The following ANK3 variants were observed in gnomAD, a reference collection of about 807,000 sequenced individuals.
ANK3 encodes the protein ankyrin 3, also known as ankyrin-3.
ANK3 carries 57 observed loss-of-function variants against 370.9 expected under a neutral mutation model. The ratio of observed to expected loss-of-function variants is 0.15; its 90% confidence interval spans 0.12 to 0.19. The LOEUF (loss-of-function observed/expected upper bound fraction) is 0.19. Among genes scored for constraint, ANK3 ranks in the 10% least tolerant of loss-of-function variants. The pLI is 1.00. For missense variants in ANK3, 4,439 were observed against 5,302.1 expected, an observed-to-expected ratio of 0.84 and a Z score of 5.06; for synonymous variants, 1,929 against 1,946.3, an observed-to-expected ratio of 0.99 and a Z score of 0.23.
rs199869065 is a variant in ANK3, at chr10:60,379,200, AT to A, written c.114+10224del. Among the ~76,000 whole-genome samples, 271 of 152,228 alleles carry A rather than the reference AT, an allele frequency of 1.8e-3. 5 individuals are homozygous for A. Among genetic ancestry groups the A allele is most frequent in the Admixed American group, 0.015 (222 of 15,266 alleles). On this transcript the variant is annotated intron_variant, in intron 1 of 43. Coordinates refer to ENST00000280772, the MANE Select transcript of ANK3 (RefSeq NM_020987.5). ...TTGCTATTATCAAAAAGACAAAAAA[AT>A]AAAAATAAAAATAACAAATGCTGGC...
intron 1 of ANK3, among the ~76,000 whole-genome samples, chr10:60,279,970 A>G (rs2098138181): frequency 6.6e-6 from 1 of 152,170 alleles, no homozygotes; most frequent in African/African-American, 2.4e-5. Flanking sequence ...CATTATGAAG[A>G]CCCCACTATT....
At position 60,509,689 on chromosome 10, in the gene ANK3, TTC is replaced by T. The variant is rs199768713; in HGVS notation, c.96+105495_96+105496del. 9.0e-3 allele frequency among the ~76,000 whole-genome samples: 1,366 copies of T among 152,280 alleles called. 5 individuals carry two copies. The highest frequency in any genetic ancestry group is 0.016 in the Non-Finnish European group (1,071 of 68,016). Reference sequence around the variant, plus strand: ...ATAACAGTATGGTTTTATAGCTATTTTCTCCAAGATAGTGAATATTATTCCCT... The same window carrying T: ...ATAACAGTATGGTTTTATAGCTATTTTCCAAGATAGTGAATATTATTCCCT... On this transcript the variant is annotated intron_variant, in intron 2 of 43. Transcript: ENST00000373827.
intron 9 of ANK3, among the ~76,000 whole-genome samples, chr10:60,208,913 CACTA>C (rs2096805100): frequency 6.6e-6 from 1 of 152,212 alleles, no homozygotes; most frequent in Non-Finnish European, 1.5e-5. Flanking sequence ...TTGACAAAGC[CACTA>C]ACTAATGCTT....
intron 7 of ANK3, among the ~76,000 whole-genome samples, chr10:60,246,090 T>G (rs1490068797): frequency 6.6e-6 from 1 of 151,826 alleles, no homozygotes; most frequent in Non-Finnish European, 1.5e-5. Flanking sequence ...ACCCTATCTC[T>G]ACTAAAAATA....
chr10:60,405,604 T>C (rs868792293), intron 2 of ANK3, among the ~76,000 whole-genome samples: 2 of 152,194 alleles, frequency 1.3e-5, no homozygotes, highest in African/African-American at 4.8e-5. Flanking sequence ...ATTCATCAAC[T>C]GGTACATTTA....
chr10:60,442,516 AT>A (rs1595043942), intron 2 of ANK3, among the ~76,000 whole-genome samples: 2 of 152,034 alleles, frequency 1.3e-5, no homozygotes, highest in African/African-American at 4.8e-5. Flanking sequence ...TTGCACTGTT[AT>A]TTTTCACTGT....
intron 2 of ANK3, among the ~76,000 whole-genome samples, chr10:60,420,882 A>C (rs2063764074): frequency 6.6e-6 from 1 of 152,174 alleles, no homozygotes; most frequent in Non-Finnish European, 1.5e-5. Context: ...AAAAACAGGG[A>C]TTCAAACAGA....
intron 2 of ANK3, among the ~76,000 whole-genome samples, chr10:60,577,858 C>T (rs2077702022): frequency 6.6e-6 from 1 of 152,150 alleles, no homozygotes; most frequent in Admixed American, 6.5e-5. Flanking sequence ...ATCACAGTGA[C>T]ATTGGTACAT....
chr10:60,323,146 G>A (rs922130892), intron 1 of ANK3, among the ~76,000 whole-genome samples: 6 of 152,150 alleles, frequency 3.9e-5, no homozygotes, highest in African/African-American at 1.4e-4. Context: ...AGTAAAGGGT[G>A]TATTAACAAG....
At position 60,055,039 on chromosome 10, in the gene ANK3, GT is replaced by G. The variant is rs560365073; in HGVS notation, c.13065+618del. Among the ~76,000 whole-genome samples, 858 of 152,202 alleles carry G rather than the reference GT, an allele frequency of 5.6e-3. 3 individuals carry two copies. Among genetic ancestry groups the G allele is most frequent in the Middle Eastern group, 0.014 (4 of 294 alleles). ...AAATCTATCACAGTGAGGTTTTAAA[GT>G]GATTAGAAATACATGTTAAGACAAT... On this transcript the variant is annotated intron_variant, in intron 42 of 43. Coordinates refer to ENST00000280772, the MANE Select transcript of ANK3 (RefSeq NM_020987.5).
At chr10:60,544,157 C>T (rs1442648600) in intron 2 of ANK3, among the ~76,000 whole-genome samples, 2 of 151,976 alleles carry the variant, frequency 1.3e-5, no homozygotes, top group Non-Finnish European at 2.9e-5. Context: ...CAGAAGGCAA[C>T]CCAGAGAAGG....
intron 11 of ANK3, among the ~76,000 whole-genome samples, chr10:60,205,070 G>A (rs1434023385): frequency 6.6e-6 from 1 of 152,086 alleles, no homozygotes; most frequent in Admixed American, 6.6e-5. Context: ...GGAGGTTGGG[G>A]GTCTGGGACA....
Position 60,075,733 on chromosome 10 carries a change from G to C in ANK3, c.5148C>G (p.Val1716=). The C allele has an allele frequency of 6.2e-7, 1 of 1,614,114 alleles. No individual in the cohort carries two copies. The change falls in exon 37 of 44, where the codon GTC becomes GTG. Residue 1716 remains valine, a synonymous_variant. Transcript: ENST00000280772. ...ATTTTAGAGGGGAAATAGATCCATT[G>C]ACTAATGCTACCTCTGCATGTCCAG... ...QMPGHAEVAL[V]NGSISPLKYP... is the part of the protein sequence containing the mutation.
At chr10:60,187,512 A>G (rs1345359482) in intron 16 of ANK3, among the ~76,000 whole-genome samples, 1 of 152,210 alleles carries the variant, frequency 6.6e-6, no homozygotes, top group Non-Finnish European at 1.5e-5. Context: ...CAAAAGGAAT[A>G]TAAATTTCCC....
intron 2 of ANK3, among the ~76,000 whole-genome samples, chr10:60,477,924 G>A (rs889856344): frequency 6.6e-6 from 1 of 152,016 alleles, no homozygotes; most frequent in Admixed American, 6.6e-5. Flanking sequence ...CCTGCAGGAA[G>A]GACATTCCTA....
At chr10:60,100,234 G>GTTTTTTTTTTTTTTTTTGTTTTTTTT (rs2090973309) in intron 28 of ANK3, among the ~76,000 whole-genome samples, 1 of 57,898 alleles carries the variant, frequency 1.7e-5, no homozygotes, top group African/African-American at 8.5e-5. Flanking sequence ...TTTTGCTATG[G>GTTTTTTTTTTTTTTTTTGTTTTTTTT]TTTTTTTTTT....
At chr10:60,526,366 C>T (rs2076470743) in intron 2 of ANK3, among the ~76,000 whole-genome samples, 1 of 152,120 alleles carries the variant, frequency 6.6e-6, no homozygotes, top group South Asian at 2.1e-4. Context: ...AAAACAGTAT[C>T]AATCTCAGCT....
intron 2 of ANK3, among the ~76,000 whole-genome samples, chr10:60,450,778 G>A (rs577664407): frequency 1.3e-5 from 2 of 152,254 alleles, no homozygotes; most frequent in South Asian, 2.1e-4. Context: ...CACTGAGTTG[G>A]AAAGTAACAA....
chr10:60,364,334 A>T (rs1423642482), intron 1 of ANK3, among the ~76,000 whole-genome samples: 1 of 151,920 alleles, frequency 6.6e-6, no homozygotes. Flanking sequence ...TGCTCAAGTG[A>T]TCTAGAAATG....
Sources: allele counts gnomAD v4.1 joint callset (sites outside exome capture counted in the v4.1 genomes callset), GRCh38; gene constraint gnomAD v4.1.1; transcripts MANE v1.5; gene names NCBI Gene and HGNC (gene_info 2026-07-23, HGNC 2026-07-21).